The following LARS2 variants were observed in gnomAD, a reference collection of about 807,000 sequenced individuals.
LARS2 encodes leucine--tRNA ligase, mitochondrial.
Under a neutral mutation model 116.6 loss-of-function variants are expected in LARS2, and 81 were observed. That is an observed-to-expected ratio of 0.69 (90% CI 0.58 to 0.84). The LOEUF (loss-of-function observed/expected upper bound fraction) is 0.84. Among genes scored for constraint, LARS2 ranks in the 40% least tolerant of loss-of-function variants. The pLI, the probability that LARS2 is intolerant of heterozygous loss-of-function variation, is 0.00. For missense variants in LARS2, 968 were observed against 1,114.5 expected (o/e 0.87, Z 1.87); for synonymous variants, 396 against 407.2 (o/e 0.97, Z 0.33).
Position 45,488,677 on chromosome 3 carries a change from T to C in LARS2, c.1124-20T>C. On this transcript the variant is annotated intron_variant, in intron 11 of 21. Transcript: ENST00000645846. ...GGGCACTTGTGAAGGAAATGTTTTC[T>C]TTTCTTCTCCTCTGAATAGGAATTC... The C allele has an allele frequency of 6.7e-7, 1 of 1,487,274 alleles. No homozygotes were observed. The highest frequency in any genetic ancestry group is 9.4e-7 in the Non-Finnish European group (1 of 1,064,108). 92.1% of individuals were successfully genotyped at this position (1,487,274 alleles called of 1,614,324 possible).
chr3:45,479,669 C>T (rs534617796), intron 10 of LARS2, among the ~76,000 whole-genome samples: 24 of 152,312 alleles, frequency 1.6e-4, no homozygotes, highest in Admixed American at 1.4e-3. Context: ...ACGTCGCCTC[C>T]TTCTCTCAGC....
At position 45,541,862 on chromosome 3, in the gene LARS2, A is replaced by G. The variant is rs748108547; in HGVS notation, c.2438A>G (p.His813Arg). The change falls in exon 21 of 22, where the codon CAC becomes CGC. Residue 813 changes from histidine (H) to arginine (R), a missense_variant. Coordinates refer to ENST00000645846, the MANE Select transcript of LARS2 (RefSeq NM_015340.4). ...CTGGTGCCGAGGAAGCTCTGTGCCC[A>G]CTACACTTGGGATGCCAGTGTGCTG... Reference protein sequence around the residue: ...LALVPRKLCAHYTWDASVLLQ... With the variant: ...LALVPRKLCARYTWDASVLLQ... 39 of 1,614,070 alleles carry G rather than the reference A, an allele frequency of 2.4e-5. 1 individual carries two copies. Among genetic ancestry groups the G allele is most frequent in the Non-Finnish European group, 3.2e-5 (38 of 1,180,034 alleles).
At chr3:45,438,315 T>C (rs1052582580) in intron 6 of LARS2, among the ~76,000 whole-genome samples, 16 of 152,188 alleles carry the variant, frequency 1.1e-4, no homozygotes, top group African/African-American at 3.9e-4. Flanking sequence ...TGGGCTGCAC[T>C]TCCCATGGTG....
At chr3:45,467,340 C>T (rs533105972) in intron 8 of LARS2, among the ~76,000 whole-genome samples, 1 of 152,322 alleles carries the variant, frequency 6.6e-6, no homozygotes, top group South Asian at 2.1e-4. Flanking sequence ...TTTTCCACAG[C>T]ACCTTTCCAC....
At chr3:45,542,901 A>G (rs982039392) in intron 21 of LARS2, among the ~76,000 whole-genome samples, 2 of 152,272 alleles carry the variant, frequency 1.3e-5, no homozygotes, top group Non-Finnish European at 2.9e-5. Context: ...AGGAAAGAGT[A>G]AGATAAATAA....
Position 45,444,830 on chromosome 3 carries a change from A to T in LARS2, c.517-2061A>T, listed in dbSNP as rs529272784. 1.9e-4 allele frequency among the ~76,000 whole-genome samples: 28 copies of T among 150,948 alleles called. 1 individual carries two copies. In the South Asian group the frequency reaches 5.8e-3, roughly 31 times the overall value. On this transcript the variant is annotated intron_variant, in intron 6 of 21. Transcript: ENST00000645846. ...TATATGTGTTACATATATAATATATATTATGTGTTATATATTTACTAAAAG... is the reference window on the plus strand; with the variant it reads ...TATATGTGTTACATATATAATATATTTTATGTGTTATATATTTACTAAAAG...
intron 19 of LARS2, among the ~76,000 whole-genome samples, 178 bp downstream of exon 19, chr3:45,520,474 T>C (rs1700435718): frequency 6.6e-6 from 1 of 151,990 alleles, no homozygotes; most frequent in African/African-American, 2.4e-5. Context: ...TGCTGGAATG[T>C]TCTTAAAGAT....
intron 4 of LARS2, among the ~76,000 whole-genome samples, chr3:45,410,102 G>A (rs1460763739): frequency 6.6e-6 from 1 of 152,162 alleles, no homozygotes; most frequent in Non-Finnish European, 1.5e-5. Flanking sequence ...CATTGAATCG[G>A]TGCCATTTTG....
intron 7 of LARS2, among the ~76,000 whole-genome samples, chr3:45,450,292 G>T (rs1256622582): frequency 6.6e-6 from 1 of 152,024 alleles, no homozygotes; most frequent in African/African-American, 2.4e-5. Flanking sequence ...ATAAATTATT[G>T]TTAACTATAA....
intron 10 of LARS2, among the ~76,000 whole-genome samples, chr3:45,480,904 A>G (rs1393446387): frequency 6.6e-6 from 1 of 152,234 alleles, no homozygotes. Context: ...AACTGAGCAT[A>G]CCATATAAGA....
intron 8 of LARS2, among the ~76,000 whole-genome samples, chr3:45,463,005 A>G (rs1699359093): frequency 6.6e-6 from 1 of 152,266 alleles, no homozygotes; most frequent in African/African-American, 2.4e-5. Context: ...AACTTGCAGT[A>G]GGAGTATCTG....
At chr3:45,518,396 C>T (rs1291107638) in intron 18 of LARS2, among the ~76,000 whole-genome samples, 2 of 152,112 alleles carry the variant, frequency 1.3e-5, no homozygotes, top group South Asian at 4.1e-4. Context: ...AGCAGAGAAC[C>T]AAATCCAGGA....
At chr3:45,400,005 T>C (rs1334034546) in intron 3 of LARS2, among the ~76,000 whole-genome samples, 1 of 152,108 alleles carries the variant, frequency 6.6e-6, no homozygotes, top group East Asian at 1.9e-4. Flanking sequence ...AAAAAAAAGA[T>C]ATATGGGTAC....
Position 45,388,692 on chromosome 3 carries a change from G to A in LARS2, c.-88+12G>A, listed in dbSNP as rs1429642254. 6.6e-6 allele frequency: 1 copy of A among 152,362 alleles called. No homozygotes were observed. The highest frequency in any genetic ancestry group is 1.5e-5 in the Non-Finnish European group (1 of 68,150). The allele number at this position is 152,362 out of a possible 1,614,324, so 9.4% of individuals were successfully genotyped here. On this transcript the variant is annotated intron_variant, in intron 1 of 21. Coordinates refer to ENST00000645846, the MANE Select transcript of LARS2 (RefSeq NM_015340.4). The stretch of plus-strand genomic sequence containing the variant: ...GAGCCTGTGAGCAGGTAAACCCCCG[G>A]ACCGGGCGCAGCGAGATGAGAGACG...
In LARS2 at chr3:45,500,583, A is replaced by G. The variant is rs1423763223; in HGVS notation, c.1760+4A>G. 3 of 1,556,800 alleles carry G rather than the reference A, an allele frequency of 1.9e-6. No homozygotes were observed. Among genetic ancestry groups the G allele is most frequent in the Non-Finnish European group, 2.6e-6 (3 of 1,159,054 alleles). On this transcript the variant is annotated splice_donor_region_variant and intron_variant, in intron 15 of 21. Coordinates refer to ENST00000645846, the MANE Select transcript of LARS2 (RefSeq NM_015340.4). ...ATCAAAAAATGGTTAAACATAGGTA[A>G]GCACTTATACTGCTTTGCAAAATAA...
chr3:45,392,244 T>G (rs1261182103), intron 2 of LARS2, among the ~76,000 whole-genome samples: 1 of 152,092 alleles, frequency 6.6e-6, no homozygotes, highest in Non-Finnish European at 1.5e-5. Context: ...ATGCCTGTAA[T>G]CAGATCTGTG....
intron 3 of LARS2, among the ~76,000 whole-genome samples, chr3:45,398,183 A>G (rs1698083489): frequency 6.6e-6 from 1 of 152,220 alleles, no homozygotes; most frequent in Non-Finnish European, 1.5e-5. Context: ...GGCAGCACAA[A>G]GAAAAGTTCT....
chr3:45,516,316 T>A (rs998340988), intron 17 of LARS2, 40 bp downstream of exon 17: 9 of 1,586,942 alleles, frequency 5.7e-6, no homozygotes, highest in Non-Finnish European at 7.8e-6. Context: ...TCCTTTGTGA[T>A]CTGCCCTGGA....
chr3:45,513,339 G>A, intron 16 of LARS2, 104 bp downstream of exon 16: 1 of 785,152 alleles, frequency 1.3e-6, no homozygotes, highest in Non-Finnish European at 2.2e-6. Context: ...TGGGGAGGAT[G>A]CAGGAGAGAG....
Sources: allele counts gnomAD v4.1 joint callset (sites outside exome capture counted in the v4.1 genomes callset), GRCh38; gene constraint gnomAD v4.1.1; transcripts MANE v1.5; gene names NCBI Gene and HGNC (gene_info 2026-07-23, HGNC 2026-07-21).